The following RPTOR variants were observed in gnomAD, a reference collection of about 807,000 sequenced individuals.
RPTOR encodes the protein regulatory associated protein of MTOR complex 1.
A neutral mutation model predicts 169.9 loss-of-function variants in RPTOR; 21 were observed. The ratio of observed to expected loss-of-function variants is 0.12; its 90% CI spans 0.09 to 0.18. The LOEUF is 0.18. Among genes scored for constraint, RPTOR ranks in the 10% least tolerant of loss-of-function variants. The probability of loss-of-function intolerance (pLI) is 1.00; values close to 1 mark genes in which losing one functional copy is unlikely to be tolerated. For missense variants in RPTOR, 1,133 were observed against 1,855.9 expected (o/e 0.61, Z 7.16); for synonymous variants, 732 against 753.2 (o/e 0.97, Z 0.46).
At chr17:80,783,373 A>G (rs1471683466) in intron 6 of RPTOR, among the ~76,000 whole-genome samples, 2 of 152,228 alleles carry the variant, frequency 1.3e-5, no homozygotes, top group East Asian at 3.8e-4. Context: ...TATATATTAA[A>G]TCACCTACAT....
intron 2 of RPTOR, among the ~76,000 whole-genome samples, chr17:80,629,336 T>G (rs1053772516): frequency 3.3e-5 from 5 of 151,366 alleles, no homozygotes; most frequent in African/African-American, 1.2e-4. Flanking sequence ...TCTCTATGTA[T>G]TGTGTCGTTG....
Position 80,609,388 on chromosome 17 carries a change from G to A in RPTOR, c.163-16303G>A, listed in dbSNP as rs1037166687. On this transcript the variant is annotated intron_variant, in intron 1 of 33. Coordinates refer to ENST00000306801, the MANE Select transcript of RPTOR (RefSeq NM_020761.3). The surrounding 1 kb of genome is among the most constrained non-coding windows in gnomAD (Gnocchi z 4.8). ...AGTAGCTTCACGACTGCTAGTGGCT[G>A]GAAGCTTCCAGATTAGTAGTTTAAG... 9.2e-5 allele frequency among the ~76,000 whole-genome samples: 14 copies of A among 152,206 alleles called. No homozygotes were observed. Among genetic ancestry groups the A allele is most frequent in the Non-Finnish European group, 2.1e-4 (14 of 68,036 alleles).
In RPTOR at chr17:80,962,506, G is replaced by T; in HGVS notation, c.3738G>T (p.Ser1246=). ...TCTTTGATCCCCGGATGCCTGAGTC[G>T]GTAAATGTGCTTCAGATCGTGAAGG... ...VRIFDPRMPE[S]VNVLQIVKGL... is the part of the protein sequence containing the mutation. The change falls in exon 32 of 34, where the codon TCG becomes TCT. Residue 1246 remains serine, a synonymous_variant. Transcript: ENST00000306801. 1 of 1,613,940 alleles carries T rather than the reference G, an allele frequency of 6.2e-7. No homozygotes were observed. Among genetic ancestry groups the T allele is most frequent in the Non-Finnish European group, 8.5e-7 (1 of 1,179,944 alleles).
intron 5 of RPTOR, among the ~76,000 whole-genome samples, chr17:80,747,398 T>C (rs2066586328): frequency 6.6e-6 from 1 of 152,248 alleles, no homozygotes; most frequent in African/African-American, 2.4e-5. Flanking sequence ...TGTCACTTGC[T>C]GTTGGAACCT....
At chr17:80,904,975 C>A (rs949417770) in intron 20 of RPTOR, among the ~76,000 whole-genome samples, 7 of 152,180 alleles carry the variant, frequency 4.6e-5, no homozygotes, top group Non-Finnish European at 1.0e-4. Context: ...AAGTGGAAGT[C>A]TGCACGAAGG....
intron 6 of RPTOR, among the ~76,000 whole-genome samples, chr17:80,788,170 CT>C (rs1370042173): frequency 2.6e-5 from 4 of 152,174 alleles, no homozygotes; most frequent in Non-Finnish European, 4.4e-5. Flanking sequence ...GCTTCCTTTT[CT>C]TCAGTAAATT....
intron 10 of RPTOR, among the ~76,000 whole-genome samples, chr17:80,846,014 G>C (rs1003912258): frequency 2.6e-5 from 4 of 152,116 alleles, no homozygotes; most frequent in African/African-American, 7.2e-5. Flanking sequence ...GCTCTGTCCT[G>C]GGCCCCTTTC....
intron 1 of RPTOR, among the ~76,000 whole-genome samples, chr17:80,613,571 A>C (rs1367504689): frequency 6.6e-6 from 1 of 152,256 alleles, no homozygotes; most frequent in Non-Finnish European, 1.5e-5. Context: ...CTATGGTTGA[A>C]TGACGCTGTG....
chr17:80,937,736 T>C (rs1317588301), intron 24 of RPTOR, among the ~76,000 whole-genome samples: 2 of 152,204 alleles, frequency 1.3e-5, no homozygotes, highest in African/African-American at 2.4e-5. Context: ...GAGCCGATGA[T>C]GAAGAGCTGC....
chr17:80,621,461 C>T lies in RPTOR; in HGVS notation c.163-4230C>T, dbSNP rs75639375. ...AGAGGTGTTGGGAATGCCGTATCAC[C>T]GCCCTGTGTCGGCCTCTGCCGCCTC... On this transcript the variant is annotated intron_variant, in intron 1 of 33. Coordinates refer to ENST00000306801, the MANE Select transcript of RPTOR (RefSeq NM_020761.3). Among the ~76,000 whole-genome samples the T allele has an allele frequency of 4.9e-3, 748 of 152,328 alleles. 14 individuals are homozygous for T. The highest frequency in any genetic ancestry group is 0.035 in the East Asian group (182 of 5,190).
In RPTOR at chr17:80,820,641, G is replaced by A. The variant is rs1297054623; in HGVS notation, c.891-1560G>A. On this transcript the variant is annotated intron_variant, in intron 7 of 33. Coordinates refer to ENST00000306801, the MANE Select transcript of RPTOR (RefSeq NM_020761.3). The surrounding 1 kb of genome is among the most constrained non-coding windows in gnomAD (Gnocchi z 4.1). ...TTCCTCACTCCCCTGCTCGGAGGTC[G>A]GAGGGCAGGCAGCCTGGCCATTCCT... Among the ~76,000 whole-genome samples the A allele has an allele frequency of 2.0e-5, 3 of 152,212 alleles. No homozygotes were observed. The highest frequency in any genetic ancestry group is 4.8e-5 in the African/African-American group (2 of 41,450).
intron 9 of RPTOR, among the ~76,000 whole-genome samples, chr17:80,829,495 C>T (rs147483364): frequency 2.0e-5 from 3 of 152,316 alleles, no homozygotes; most frequent in East Asian, 1.9e-4. Flanking sequence ...AAACATTCTG[C>T]GAGCCCAACC....
At chr17:80,787,893 A>T (rs2067009685) in intron 6 of RPTOR, among the ~76,000 whole-genome samples, 1 of 152,178 alleles carries the variant, frequency 6.6e-6, no homozygotes, top group African/African-American at 2.4e-5. Flanking sequence ...AATCCTGGTT[A>T]TGATGGATAT....
intron 3 of RPTOR, among the ~76,000 whole-genome samples, chr17:80,702,693 C>T (rs372129565): frequency 1.3e-4 from 20 of 152,182 alleles, no homozygotes; most frequent in East Asian, 3.8e-4. Flanking sequence ...AAGCTAAATC[C>T]GTTTTTCGCA....
chr17:80,840,322 ACT>A lies in RPTOR; in HGVS notation c.1212+2329_1212+2330del, dbSNP rs761765521. Among the ~76,000 whole-genome samples, 488 of 148,926 alleles carry A rather than the reference ACT, an allele frequency of 3.3e-3. 1 individual carries two copies. Among genetic ancestry groups the A allele is most frequent in the Middle Eastern group, 7.0e-3 (2 of 284 alleles). ...GCTCACACTCACCGCACGGCAGCTCACTCTCACCGCACGGCAGCTCACACTCA... is the reference window on the plus strand; with the variant it reads ...GCTCACACTCACCGCACGGCAGCTCACTCACCGCACGGCAGCTCACACTCA... On this transcript the variant is annotated intron_variant, in intron 10 of 33. Coordinates refer to ENST00000306801, the MANE Select transcript of RPTOR (RefSeq NM_020761.3).
intron 2 of RPTOR, among the ~76,000 whole-genome samples, chr17:80,642,860 G>C (rs544159305): frequency 6.6e-6 from 1 of 152,084 alleles, no homozygotes; most frequent in Non-Finnish European, 1.5e-5. Flanking sequence ...TGCCACAGGC[G>C]AATGCAAAAA....
chr17:80,616,978 T>C (rs1437070428), intron 1 of RPTOR, among the ~76,000 whole-genome samples: 1 of 152,172 alleles, frequency 6.6e-6, no homozygotes, highest in African/African-American at 2.4e-5. Context: ...GGTTATTTTC[T>C]ATATCTTCAG....
chr17:80,810,454 A>G (rs1339198680), intron 7 of RPTOR, among the ~76,000 whole-genome samples: 1 of 152,196 alleles, frequency 6.6e-6, no homozygotes, highest in African/African-American at 2.4e-5. Context: ...TCATTTGACT[A>G]TAACTGTATA....
intron 4 of RPTOR, among the ~76,000 whole-genome samples, chr17:80,728,446 G>GTGTGTGTGTGTGTGTGTGTGT (rs2066359075): frequency 5.6e-4 from 83 of 148,266 alleles, no homozygotes; most frequent in African/African-American, 2.0e-3. Flanking sequence ...TCCACTCTGG[G>GTGTGTGTGTGTGTGTGTGTGT]GTGTGTGTGT....
Sources: allele counts gnomAD v4.1 joint callset (sites outside exome capture counted in the v4.1 genomes callset), GRCh38; gene constraint gnomAD v4.1.1; non-coding constraint Gnocchi (gnomAD v3.1); transcripts MANE v1.5; gene names NCBI Gene and HGNC (gene_info 2026-07-23, HGNC 2026-07-21).